WDR72: variants seen among roughly 807,000 people sequenced by gnomAD.
The protein encoded by WDR72 is WD repeat domain 72.
A neutral mutation model predicts 124.2 loss-of-function variants in WDR72; 120 were observed. That is an observed-to-expected ratio of 0.97 (90% CI 0.83 to 1.12). The LOEUF (loss-of-function observed/expected upper bound fraction) is 1.12. Among genes scored for constraint, WDR72 ranks in the 50% most tolerant of loss-of-function variants. The pLI is 0.00. For synonymous variants in WDR72, 452 were observed against 441.7 expected (o/e 1.02, Z -0.29); for missense variants, 1,387 against 1,278.8 (o/e 1.08, Z -1.29).
At chr15:53,719,045 A>G (rs1306231394) in intron 3 of WDR72, among the ~76,000 whole-genome samples, 1 of 152,120 alleles carries the variant, frequency 6.6e-6, no homozygotes, top group Non-Finnish European at 1.5e-5. Context: ...TAAATACATC[A>G]GCCACCATTC....
intron 16 of WDR72, among the ~76,000 whole-genome samples, chr15:53,613,051 T>C (rs1483869749): frequency 6.6e-6 from 1 of 151,924 alleles, no homozygotes; most frequent in Non-Finnish European, 1.5e-5. Context: ...TAAAAAAGAA[T>C]CGCAAGGTTC....
intron 16 of WDR72, among the ~76,000 whole-genome samples, chr15:53,613,438 T>C (rs1166124025): frequency 6.6e-6 from 1 of 152,106 alleles, no homozygotes; most frequent in Non-Finnish European, 1.5e-5. Context: ...TGTTTTTAAA[T>C]GTTTTATAAA....
chr15:53,698,091 T>G (rs8037023), intron 13 of WDR72, among the ~76,000 whole-genome samples: 1 of 151,968 alleles, frequency 6.6e-6, no homozygotes, highest in Admixed American at 6.6e-5. Context: ...TATTTGAGGG[T>G]GTATAAAAAA....
chr15:53,525,201 T>A (rs1221220550), intron 18 of WDR72, among the ~76,000 whole-genome samples: 1 of 152,102 alleles, frequency 6.6e-6, no homozygotes, highest in African/African-American at 2.4e-5. Flanking sequence ...GTGGTATAGT[T>A]AAATGTATCA....
intron 13 of WDR72, among the ~76,000 whole-genome samples, chr15:53,685,393 C>T (rs1459940912): frequency 0.014 from 1,840 of 129,156 alleles, 71 homozygotes; most frequent in African/African-American, 0.053. Context: ...AAAACCAAGG[C>T]TCGAGAACTA....
At chr15:53,629,361 A>G (rs951295077) in intron 14 of WDR72, among the ~76,000 whole-genome samples, 1 of 152,148 alleles carries the variant, frequency 6.6e-6, no homozygotes, top group African/African-American at 2.4e-5. Context: ...AAGCTGAAAC[A>G]TATATTAACT....
At chr15:53,580,808 G>T (rs1408549736) in intron 18 of WDR72, among the ~76,000 whole-genome samples, 1 of 151,966 alleles carries the variant, frequency 6.6e-6, no homozygotes, top group African/African-American at 2.4e-5. Context: ...ATTTTATAGT[G>T]GGAGTTCAGG....
chr15:53,726,190 A>ATG (rs1416045962), intron 2 of WDR72, among the ~76,000 whole-genome samples: 171 of 140,954 alleles, frequency 1.2e-3, no homozygotes, highest in African/African-American at 4.9e-3. Context: ...ATATATATAT[A>ATG]TATGTGTGTG....
At chr15:53,713,413 A>ATTTTATTTTATTTTATTTTGTTTTG (rs749786881) in intron 6 of WDR72, among the ~76,000 whole-genome samples, 1 of 112,526 alleles carries the variant, frequency 8.9e-6, no homozygotes, top group African/African-American at 3.5e-5. Flanking sequence ...ATTTTGTTGT[A>ATTTTATTTTATTTTATTTTGTTTTG]TTTTATTTTA....
intron 17 of WDR72, among the ~76,000 whole-genome samples, chr15:53,597,776 G>A (rs1288736850): frequency 2.0e-5 from 3 of 152,046 alleles, no homozygotes; most frequent in Non-Finnish European, 2.9e-5. Flanking sequence ...ATACCTATGT[G>A]GTTTTACATA....
At chr15:53,721,484 T>C (rs1193037228) in intron 3 of WDR72, among the ~76,000 whole-genome samples, 3 of 152,174 alleles carry the variant, frequency 2.0e-5, no homozygotes, top group Non-Finnish European at 4.4e-5. Context: ...CCCTGGTGAA[T>C]GAAAGCTACA....
At chr15:53,676,444 G>A (rs969734806) in intron 13 of WDR72, among the ~76,000 whole-genome samples, 1 of 152,186 alleles carries the variant, frequency 6.6e-6, no homozygotes, top group Non-Finnish European at 1.5e-5. Flanking sequence ...TCAAACAAGA[G>A]GAAGTCGAGA....
intron 13 of WDR72, among the ~76,000 whole-genome samples, chr15:53,683,855 A>T (rs1272431076): frequency 1.3e-5 from 2 of 152,086 alleles, no homozygotes; most frequent in Non-Finnish European, 2.9e-5. Flanking sequence ...ATTTTCACTT[A>T]TACTTCCCAA....
At chr15:53,691,173 C>A (rs894289271) in intron 13 of WDR72, among the ~76,000 whole-genome samples, 1 of 152,098 alleles carries the variant, frequency 6.6e-6, no homozygotes, top group African/African-American at 2.4e-5. Flanking sequence ...TCTCGGCCTC[C>A]AGAATAGCTG....
In WDR72 at chr15:53,716,709, A is replaced by C. The variant is rs1366473197; in HGVS notation, c.261-24T>G. The C allele has an allele frequency of 2.6e-6, 4 of 1,534,296 alleles. No individual in the cohort carries two copies. The South Asian group carries it at 4.5e-5, about 17-fold the overall frequency. ...CCCTAGCAGAAGATAACTTTGTGTT[A>C]TTCTCTGTCATTTCCACTCAATTGG... On this transcript the variant is annotated intron_variant, in intron 3 of 19. Coordinates refer to ENST00000360509, the MANE Select transcript of WDR72 (RefSeq NM_182758.4).
chr15:53,691,524 A>G (rs1314074948), intron 13 of WDR72, among the ~76,000 whole-genome samples: 1 of 152,232 alleles, frequency 6.6e-6, no homozygotes, highest in Non-Finnish European at 1.5e-5. Context: ...AAAAGTTTTT[A>G]AATTTTGTAA....
chr15:53,534,947 G>C (rs1345951183), intron 18 of WDR72, among the ~76,000 whole-genome samples: 1 of 151,834 alleles, frequency 6.6e-6, no homozygotes, highest in African/African-American at 2.4e-5. Flanking sequence ...GATTATACTA[G>C]TTCTATTTTA....
intron 3 of WDR72, 43 bp from the exon 4 acceptor site, chr15:53,716,728 C>A: frequency 6.9e-7 from 1 of 1,443,312 alleles, no homozygotes; most frequent in South Asian, 1.1e-5. Context: ...CATTTCCACT[C>A]AATTGGCTGG....
At chr15:53,675,711 T>C (rs2016148994) in intron 13 of WDR72, among the ~76,000 whole-genome samples, 1 of 152,206 alleles carries the variant, frequency 6.6e-6, no homozygotes, top group Non-Finnish European at 1.5e-5. Flanking sequence ...TTCATTTATA[T>C]GCTTCTGGTG....
Sources: allele counts gnomAD v4.1 joint callset (sites outside exome capture counted in the v4.1 genomes callset), GRCh38; gene constraint gnomAD v4.1.1; transcripts MANE v1.5; gene names NCBI Gene and HGNC (gene_info 2026-07-23, HGNC 2026-07-21).